The following KLHL1 variants were observed in gnomAD, a reference collection of about 807,000 sequenced individuals.
KLHL1 encodes the protein kelch-like protein 1.
In KLHL1, 47 loss-of-function variants were observed where a neutral mutation model predicts 77.7. The observed-to-expected ratio is 0.60, with a 90% CI of 0.48 to 0.77. The LOEUF is 0.77. KLHL1 is among the 30% of genes least tolerant of loss of function. The pLI is 0.00. For missense variants in KLHL1, 925 were observed against 910.8 expected (o/e 1.02, Z -0.20); for synonymous variants, 360 against 325.2 (o/e 1.11, Z -1.15).
At chr13:69,966,640 A>G (rs1884219419) in intron 2 of KLHL1, among the ~76,000 whole-genome samples, 1 of 152,120 alleles carries the variant, frequency 6.6e-6, no homozygotes, top group Non-Finnish European at 1.5e-5. Flanking sequence ...ATTTTTGCAT[A>G]CACGTGCAAT....
chr13:69,801,700 A>G (rs1284202215), intron 6 of KLHL1, among the ~76,000 whole-genome samples: 1 of 152,176 alleles, frequency 6.6e-6, no homozygotes, highest in African/African-American at 2.4e-5. Context: ...ACTATTTGAT[A>G]TAAGACAACA....
chr13:69,909,137 GAACA>G (rs1882147628), intron 4 of KLHL1, among the ~76,000 whole-genome samples: 1 of 150,730 alleles, frequency 6.6e-6, no homozygotes, highest in South Asian at 2.1e-4. Context: ...GTGAAAAGGA[GAACA>G]AATAAGTGGA....
At chr13:70,019,150 G>A (rs1346759630) in intron 1 of KLHL1, among the ~76,000 whole-genome samples, 5 of 152,082 alleles carry the variant, frequency 3.3e-5, no homozygotes, top group Non-Finnish European at 4.4e-5. Context: ...ATTGCCTTGA[G>A]GGCTAGGCAG....
chr13:69,757,784 C>T (rs564289837), intron 7 of KLHL1, among the ~76,000 whole-genome samples: 3 of 140,846 alleles, frequency 2.1e-5, no homozygotes, highest in Non-Finnish European at 4.8e-5. Flanking sequence ...GGTGAAATCT[C>T]GTCCCTACTA....
At chr13:69,843,830 G>A (rs1347471848) in intron 5 of KLHL1, among the ~76,000 whole-genome samples, 1 of 151,488 alleles carries the variant, frequency 6.6e-6, no homozygotes, top group Non-Finnish European at 1.5e-5. Context: ...TATACTTTAA[G>A]TTCTAGGGTA....
chr13:69,955,996 G>GAT (rs1239569423), intron 3 of KLHL1, among the ~76,000 whole-genome samples: 4 of 119,432 alleles, frequency 3.3e-5, no homozygotes, highest in African/African-American at 9.7e-5. Context: ...ATATTTATTT[G>GAT]ATATATATTT....
In KLHL1 at chr13:69,975,810, C is replaced by CCACACA. The variant is rs144583054; in HGVS notation, c.498-14_498-9dup. 2.1e-5 allele frequency: 32 copies of CCACACA among 1,515,806 alleles called. No individual in the cohort carries two copies. The highest frequency in any genetic ancestry group is 2.4e-5 in the East Asian group (1 of 41,060). 93.9% of individuals were successfully genotyped at this position (1,515,806 alleles called of 1,614,324 possible). ...TGGCCGGTTGATGACAGCCTATAAA[C>CCACACA]CACACACACACACACACACACACAA... On this transcript the variant is annotated splice_polypyrimidine_tract_variant and intron_variant, in intron 1 of 10. Coordinates refer to ENST00000377844, the MANE Select transcript of KLHL1 (RefSeq NM_020866.3).
chr13:69,929,474 C>T (rs771265150), intron 4 of KLHL1, among the ~76,000 whole-genome samples: 5 of 151,536 alleles, frequency 3.3e-5, no homozygotes, highest in Non-Finnish European at 7.4e-5. Flanking sequence ...AGACTTTTGG[C>T]CTGTGGTTTA....
intron 1 of KLHL1, among the ~76,000 whole-genome samples, chr13:69,976,716 T>C (rs1230343946): frequency 2.0e-5 from 3 of 152,084 alleles, no homozygotes; most frequent in East Asian, 3.9e-4. Flanking sequence ...CTGGTTCCAA[T>C]TGCAAAGTAG....
chr13:69,967,476 T>A (rs1193719604), intron 2 of KLHL1, among the ~76,000 whole-genome samples: 1 of 152,150 alleles, frequency 6.6e-6, no homozygotes, highest in East Asian at 1.9e-4. Flanking sequence ...ATGATCAAAT[T>A]TGAATGGATG....
intron 6 of KLHL1, among the ~76,000 whole-genome samples, chr13:69,814,608 A>G (rs1878039786): frequency 6.6e-6 from 1 of 152,182 alleles, no homozygotes; most frequent in Non-Finnish European, 1.5e-5. Context: ...ATAGAAACAT[A>G]CATGTGACCA....
intron 4 of KLHL1, among the ~76,000 whole-genome samples, chr13:69,937,918 T>C (rs1007268524): frequency 6.6e-6 from 1 of 152,128 alleles, no homozygotes; most frequent in African/African-American, 2.4e-5. Flanking sequence ...ATTTTGAAAG[T>C]GTTCCTTATG....
intron 5 of KLHL1, among the ~76,000 whole-genome samples, chr13:69,859,188 G>A (rs1381222787): frequency 6.6e-6 from 1 of 151,600 alleles, no homozygotes; most frequent in East Asian, 1.9e-4. Context: ...CCTTCTGACT[G>A]GTGTATCTGC....
chr13:69,708,133 C>T (rs1306136862), intron 9 of KLHL1, among the ~76,000 whole-genome samples: 1 of 151,856 alleles, frequency 6.6e-6, no homozygotes, highest in Non-Finnish European at 1.5e-5. Context: ...TATGCAGACT[C>T]CTATGGTAAT....
intron 7 of KLHL1, among the ~76,000 whole-genome samples, chr13:69,764,913 T>TTCATGTATA (rs1875202930): frequency 6.8e-6 from 1 of 147,770 alleles, no homozygotes; most frequent in Non-Finnish European, 1.5e-5. Flanking sequence ...TTCTCATGCT[T>TTCATGTATA]TCATGTATAT....
chr13:69,839,079 A>T lies in KLHL1; in HGVS notation c.1311T>A (p.His437Gln). The T allele has an allele frequency of 6.2e-7, 1 of 1,610,342 alleles. No homozygotes were observed. Among genetic ancestry groups the T allele is most frequent in the Non-Finnish European group, 8.5e-7 (1 of 1,177,798 alleles). ...QKLILEAMKYHLLPERRTLMQ... is the reference protein window; with the variant it reads ...QKLILEAMKYQLLPERRTLMQ... ...TTAAAGTTCTTCTTTCTGGCAATAG[A>T]TGGTATTTCATTGCTTCTAGAATCA... Residue 437 changes from histidine (H) to glutamine (Q), a missense_variant, in exon 6 of 11, where the codon CAT becomes CAA. His to Gln is a conservative substitution (Grantham distance 24). Coordinates refer to ENST00000377844, the MANE Select transcript of KLHL1 (RefSeq NM_020866.3).
At position 69,939,707 on chromosome 13, in the gene KLHL1, C is replaced by T. The variant is rs368407948; in HGVS notation, c.1014+333G>A. On this transcript the variant is annotated intron_variant, in intron 4 of 10. Coordinates refer to ENST00000377844, the MANE Select transcript of KLHL1 (RefSeq NM_020866.3). ...TGGAGGTTCCTGGAGGGTTATGTGC[C>T]CAGGGAGGGCCTGGAGCCTATGCGC... Among the ~76,000 whole-genome samples the T allele has an allele frequency of 1.7e-4, 26 of 152,096 alleles. No homozygotes were observed. In the East Asian group the frequency reaches 5.1e-3, roughly 30 times the overall value.
chr13:69,923,544 T>C (rs1882712620), intron 4 of KLHL1, among the ~76,000 whole-genome samples: 1 of 152,226 alleles, frequency 6.6e-6, no homozygotes, highest in African/African-American at 2.4e-5. Flanking sequence ...TAAAGTGCCA[T>C]CTTGAATTAA....
intron 6 of KLHL1, among the ~76,000 whole-genome samples, chr13:69,808,119 C>T (rs546702161): frequency 1.2e-3 from 180 of 152,150 alleles, no homozygotes; most frequent in Non-Finnish European, 2.2e-3. Context: ...ATATGGAAAG[C>T]GGGTCACCTC....
Sources: gnomAD v4.1 joint callset for allele counts (sites outside exome capture counted in the v4.1 genomes callset) on GRCh38, gnomAD v4.1.1 for gene constraint, MANE v1.5 for transcripts, NCBI Gene and HGNC (gene_info 2026-07-23, HGNC 2026-07-21) for gene names.